Variants in NRXN3 observed in about 807,000 individuals in gnomAD.
NRXN3 encodes neurexin 3.
Under a neutral mutation model 137.6 loss-of-function variants are expected in NRXN3, and 32 were observed. The observed-to-expected ratio is 0.23, with a 90% CI of 0.18 to 0.31. The LOEUF (loss-of-function observed/expected upper bound fraction) is 0.31. Ranked by LOEUF, NRXN3 falls within the 10% of genes least tolerant of loss-of-function variation. The pLI is 1.00. For synonymous variants in NRXN3, 798 were observed against 784.5 expected (o/e 1.02, Z -0.29); for missense variants, 1,574 against 2,062.5 (o/e 0.76, Z 4.59).
chr14:79,603,168 C>T (rs770964930), intron 16 of NRXN3, among the ~76,000 whole-genome samples: 1 of 152,198 alleles, frequency 6.6e-6, no homozygotes, highest in African/African-American at 2.4e-5. Context: ...TTCACAAGTT[C>T]CCTGGAGTTA....
At chr14:79,284,356 A>G (rs1339010392) in intron 15 of NRXN3, among the ~76,000 whole-genome samples, 1 of 110,832 alleles carries the variant, frequency 9.0e-6, no homozygotes, top group Non-Finnish European at 1.8e-5. Context: ...ATATATATAT[A>G]TATATATATA....
intron 19 of NRXN3, among the ~76,000 whole-genome samples, chr14:79,745,195 T>C (rs2098975917): frequency 6.6e-6 from 1 of 152,124 alleles, no homozygotes; most frequent in African/African-American, 2.4e-5. Flanking sequence ...GATGCCTCCA[T>C]AGACCAGATT....
intron 10 of NRXN3, among the ~76,000 whole-genome samples, chr14:78,875,592 A>G (rs1158518957): frequency 5.3e-5 from 8 of 151,556 alleles, no homozygotes; most frequent in Admixed American, 5.3e-4. Flanking sequence ...AAAGATACCA[A>G]CTCTCCATTT....
At chr14:79,543,585 G>T (rs148317141) in intron 16 of NRXN3, among the ~76,000 whole-genome samples, 7 of 152,152 alleles carry the variant, frequency 4.6e-5, no homozygotes, top group African/African-American at 1.7e-4. Flanking sequence ...CTGGAGAGTC[G>T]GCTGTATTTG....
chr14:79,125,252 G>A (rs1469720795), intron 15 of NRXN3, among the ~76,000 whole-genome samples: 1 of 152,030 alleles, frequency 6.6e-6, no homozygotes, highest in African/African-American at 2.4e-5. Flanking sequence ...CTATCATAAT[G>A]TCCTTTTGCC....
chr14:78,221,723 T>C (rs1159319395), intron 1 of NRXN3, among the ~76,000 whole-genome samples: 1 of 151,930 alleles, frequency 6.6e-6, no homozygotes, highest in Admixed American at 6.6e-5. Flanking sequence ...ATAGTTGGGG[T>C]GGGTGGCTGG....
At chr14:79,535,813 G>A (rs1255434991) in intron 16 of NRXN3, among the ~76,000 whole-genome samples, 1 of 152,092 alleles carries the variant, frequency 6.6e-6, no homozygotes. Flanking sequence ...GTCTCTCCAG[G>A]ACACAACAGA....
chr14:79,398,215 CATAT>C (rs2095082163), intron 15 of NRXN3, among the ~76,000 whole-genome samples: 1 of 152,142 alleles, frequency 6.6e-6, no homozygotes, highest in Non-Finnish European at 1.5e-5. Flanking sequence ...CAAGCAGTGC[CATAT>C]ATGTGCCTTC....
At chr14:78,720,772 A>T (rs548337666) in intron 8 of NRXN3, among the ~76,000 whole-genome samples, 1 of 152,332 alleles carries the variant, frequency 6.6e-6, no homozygotes, top group Admixed American at 6.5e-5. Flanking sequence ...TTAAAGTTAA[A>T]TTATTAAAAT....
intron 16 of NRXN3, among the ~76,000 whole-genome samples, chr14:79,533,558 C>A: frequency 6.6e-6 from 1 of 152,112 alleles, no homozygotes; most frequent in African/African-American, 2.4e-5. Context: ...TCTGTCCCCA[C>A]CTCTTTAATT....
At chr14:79,802,241 A>G (rs1400019140) in intron 19 of NRXN3, among the ~76,000 whole-genome samples, 1 of 152,004 alleles carries the variant, frequency 6.6e-6, no homozygotes, top group Non-Finnish European at 1.5e-5. Context: ...AGCTCATTAG[A>G]TTTTCATTAA....
intron 10 of NRXN3, among the ~76,000 whole-genome samples, chr14:78,878,906 T>C (rs779815992): frequency 6.6e-5 from 10 of 152,112 alleles, no homozygotes; most frequent in Non-Finnish European, 1.5e-4. Context: ...TCTCCTGCTA[T>C]GAGTTTGTTT....
intron 4 of NRXN3, among the ~76,000 whole-genome samples, chr14:78,495,870 C>T (rs547001814): frequency 1.3e-5 from 2 of 152,212 alleles, no homozygotes; most frequent in Non-Finnish European, 2.9e-5. Context: ...AAGAAATTTG[C>T]TAAAATGACA....
chr14:79,713,377 T>G (rs2098812053), intron 19 of NRXN3, among the ~76,000 whole-genome samples: 1 of 149,122 alleles, frequency 6.7e-6, no homozygotes, highest in Non-Finnish European at 1.5e-5. Context: ...ATTACTAAAC[T>G]ATAACACACA....
rs1197720446 is a variant in NRXN3 at position 79,857,852 on chromosome 14, C to CTT, written c.4094-3488_4094-3487dup. On this transcript the variant is annotated intron_variant, in intron 20 of 20. Transcript: ENST00000335750. ...AGAGGGGTTAGGAAAGCTTCTACCA[C>CTT]TTTGTTGTCTAAAAATCAGCATAAT... 2.6e-5 allele frequency among the ~76,000 whole-genome samples: 4 copies of CTT among 152,274 alleles called. No homozygotes were observed. In the East Asian group the frequency reaches 7.7e-4, roughly 29 times the overall value.
chr14:78,645,762 T>C (rs2097680896), intron 5 of NRXN3, among the ~76,000 whole-genome samples: 1 of 152,214 alleles, frequency 6.6e-6, no homozygotes, highest in Non-Finnish European at 1.5e-5. Flanking sequence ...TATTGTTAAA[T>C]TCAATTAGGG....
intron 4 of NRXN3, among the ~76,000 whole-genome samples, chr14:78,501,012 G>A (rs2153774060): frequency 6.6e-6 from 1 of 152,244 alleles, no homozygotes; most frequent in Admixed American, 6.5e-5. Context: ...AAATGCAGAT[G>A]ATCAAGCCTT....
At chr14:79,041,190 A>G (rs2099624490) in intron 15 of NRXN3, among the ~76,000 whole-genome samples, 1 of 152,192 alleles carries the variant, frequency 6.6e-6, no homozygotes, top group Non-Finnish European at 1.5e-5. Flanking sequence ...TACTTGGCAC[A>G]TTATTGTCAC....
chr14:78,249,879 A>G (rs1465156886), intron 2 of NRXN3, among the ~76,000 whole-genome samples: 1 of 152,080 alleles, frequency 6.6e-6, no homozygotes, highest in Non-Finnish European at 1.5e-5. Flanking sequence ...TGCTGGAGGG[A>G]AAACGATCCG....
Sources: allele counts gnomAD v4.1 joint callset (sites outside exome capture counted in the v4.1 genomes callset), GRCh38; gene constraint gnomAD v4.1.1; transcripts MANE v1.5; gene names NCBI Gene and HGNC (gene_info 2026-07-23, HGNC 2026-07-21).